Variants in ATP6V0D2 observed in about 807,000 individuals in gnomAD.
The protein encoded by ATP6V0D2 is V-type proton ATPase subunit d 2.
In ATP6V0D2, 40 loss-of-function variants were observed where a neutral mutation model predicts 40.0. The observed-to-expected ratio is 1.00, with a 90% CI of 0.78 to 1.30. The LOEUF (loss-of-function observed/expected upper bound fraction) is 1.30. Ranked by LOEUF, ATP6V0D2 falls within the 50% of genes most tolerant of loss-of-function variation. The probability of loss-of-function intolerance (pLI) is 0.00; values close to 1 mark genes in which losing one functional copy is unlikely to be tolerated. For missense variants in ATP6V0D2, 470 were observed against 423.1 expected (o/e 1.11, Z -0.97); for synonymous variants, 179 against 156.3 (o/e 1.15, Z -1.08).
In ATP6V0D2 at chr8:86,148,554, A is replaced by G. The variant is rs998009094; in HGVS notation, c.640-1558A>G. Among the ~76,000 whole-genome samples the G allele has an allele frequency of 2.6e-5, 4 of 152,202 alleles. No homozygotes were observed. The East Asian group carries it at 5.8e-4, about 22-fold the overall frequency. ...TGCATATAGATAGCCTGGGAATCCT[A>G]TGAAAATGCAGATTCTGGTTGAGTA... On this transcript the variant is annotated intron_variant, in intron 5 of 7. Transcript: ENST00000285393.
chr8:86,142,841 T>TCAG, intron 4 of ATP6V0D2, 36 bp from the exon 5 acceptor site: 1 of 1,320,454 alleles, frequency 7.6e-7, no homozygotes, highest in Non-Finnish European at 1.1e-6. Context: ...GAATATATAT[T>TCAG]CATTATATCA....
At chr8:86,142,736 A>T (rs1818992297) in intron 4 of ATP6V0D2, 141 bp from the exon 5 acceptor site, 1 of 518,526 alleles carries the variant, frequency 1.9e-6, no homozygotes, top group Admixed American at 3.6e-5. Flanking sequence ...CTTCTACCAA[A>T]TTTATTATAA....
chr8:86,144,726 G>A (rs982794149), intron 5 of ATP6V0D2, among the ~76,000 whole-genome samples: 1 of 152,112 alleles, frequency 6.6e-6, no homozygotes, highest in Non-Finnish European at 1.5e-5. Context: ...GAGTGCAGTG[G>A]CATGATCATG....
chr8:86,128,318 C>T lies in ATP6V0D2; in HGVS notation c.303-11139C>T, dbSNP rs113490808. Among the ~76,000 whole-genome samples the T allele has an allele frequency of 8.9e-4, 136 of 152,228 alleles. 2 individuals are homozygous for T. The highest frequency in any genetic ancestry group is 2.8e-3 in the African/African-American group (116 of 41,544). On this transcript the variant is annotated intron_variant, in intron 2 of 7. Transcript: ENST00000285393. ...GAGCCAAGATCACATCATTGCACTC[C>T]GGCCTGGGCAACAAGAGTGAAACTC...
intron 2 of ATP6V0D2, among the ~76,000 whole-genome samples, chr8:86,131,657 C>A (rs754314209): frequency 6.6e-6 from 1 of 151,784 alleles, no homozygotes; most frequent in African/African-American, 2.4e-5. Flanking sequence ...CCTGTCACCA[C>A]GCCCAGCTAA....
chr8:86,136,930 C>T (rs1030649210), intron 2 of ATP6V0D2, among the ~76,000 whole-genome samples: 7 of 152,162 alleles, frequency 4.6e-5, no homozygotes, highest in East Asian at 1.9e-4. Context: ...TTCTGATCTG[C>T]GACCTTGCCT....
intron 1 of ATP6V0D2, among the ~76,000 whole-genome samples, chr8:86,109,129 GT>G (rs1230616326): frequency 6.6e-6 from 1 of 152,100 alleles, no homozygotes; most frequent in Admixed American, 6.5e-5. Context: ...GCGGCCCATT[GT>G]TTTTTAGTGG....
At chr8:86,141,633 A>T in intron 4 of ATP6V0D2, 104 bp downstream of exon 4, 5 of 765,254 alleles carry the variant, frequency 6.5e-6, no homozygotes, top group Non-Finnish European at 1.0e-5. Context: ...TTCTGCAATT[A>T]TGAAACTGTG....
At chr8:86,141,776 A>T (rs571877033) in intron 4 of ATP6V0D2, among the ~76,000 whole-genome samples, 1 of 152,226 alleles carries the variant, frequency 6.6e-6, no homozygotes, top group East Asian at 1.9e-4. Flanking sequence ...AGCTCCTTGC[A>T]TGGTACCTGG....
intron 2 of ATP6V0D2, among the ~76,000 whole-genome samples, chr8:86,128,024 G>A (rs1039396462): frequency 2.0e-5 from 3 of 152,042 alleles, no homozygotes; most frequent in Non-Finnish European, 2.9e-5. Flanking sequence ...AGAGGTTGTG[G>A]TGAGCTATGA....
In ATP6V0D2 at chr8:86,099,047, C is replaced by A; in HGVS notation, c.69C>A (p.Cys23Ter). 6.2e-7 allele frequency: 1 copy of A among 1,613,736 alleles called. No individual in the cohort carries two copies. Among genetic ancestry groups the A allele is most frequent in the Middle Eastern group, 1.6e-4 (1 of 6,062 alleles). Residue 23 changes from cysteine to a stop codon, truncating the protein, a stop_gained, in exon 1 of 8, where the codon TGC becomes TGA. Transcript: ENST00000285393. LOFTEE classifies it high-confidence loss of function. Reference protein sequence around the residue: ...HGYLEGLVRGCKASLLTQQDY... With the variant: ...HGYLEGLVRG ...ACCTGGAGGGCCTGGTTCGAGGATG[C>A]AAGGCCAGCCTCCTGACCCAGCAAG...
At chr8:86,137,010 A>G (rs1248893558) in intron 2 of ATP6V0D2, among the ~76,000 whole-genome samples, 1 of 151,934 alleles carries the variant, frequency 6.6e-6, no homozygotes, top group South Asian at 2.1e-4. Context: ...AAAAGGACAC[A>G]TATTAAAACT....
chr8:86,151,482 T>A lies in ATP6V0D2; in HGVS notation c.833T>A (p.Phe278Tyr), dbSNP rs549261524. The change falls in exon 7 of 8, where the codon TTT becomes TAT. Residue 278 changes from phenylalanine (F) to tyrosine (Y), a missense_variant. Physicochemically the swap from Phe to Tyr is conservative, Grantham distance 22. Transcript: ENST00000285393. ...ADHYGVYKPL[F>Y]EAVGGSGGKT... ...GTTTTTAAGGTATACAAACCTTTAT[T>A]TGAAGCTGTAGGTGGCAGTGGGGGA... The A allele has an allele frequency of 5.0e-6, 8 of 1,605,496 alleles. No individual in the cohort carries two copies. Among genetic ancestry groups the A allele is most frequent in the Middle Eastern group, 1.7e-4 (1 of 6,036 alleles).
rs753638216 is a variant in ATP6V0D2 at position 86,098,973 on chromosome 8, TC to T, written c.-1del. 1.8e-5 allele frequency: 29 copies of T among 1,612,994 alleles called. No individual in the cohort carries two copies. In the Admixed American group the frequency reaches 2.8e-4, roughly 16 times the overall value. ...TCACCCTACCTTGGCTTCAATCTCT[TC>T]CCCCATGCTCGAAGGTGCGGAGCTG... On this transcript the variant is annotated 5_prime_UTR_variant, in exon 1 of 8. Coordinates refer to ENST00000285393, the MANE Select transcript of ATP6V0D2 (RefSeq NM_152565.1).
chr8:86,127,392 G>A (rs945807005), intron 2 of ATP6V0D2, among the ~76,000 whole-genome samples: 11 of 151,842 alleles, frequency 7.2e-5, no homozygotes, highest in South Asian at 2.1e-4. Context: ...AATGAAACTC[G>A]TAAATGAAAG....
intron 2 of ATP6V0D2, among the ~76,000 whole-genome samples, chr8:86,120,828 A>G (rs1818659494): frequency 6.6e-6 from 1 of 152,210 alleles, no homozygotes; most frequent in South Asian, 2.1e-4. Flanking sequence ...CAGGTCTATC[A>G]GTCTAGCAAG....
intron 2 of ATP6V0D2, among the ~76,000 whole-genome samples, chr8:86,126,477 T>C (rs929986552): frequency 2.6e-5 from 4 of 151,714 alleles, no homozygotes; most frequent in African/African-American, 7.3e-5. Context: ...GAAATGAACA[T>C]GTAAAACGAC....
In ATP6V0D2 at chr8:86,153,019, A is replaced by G. The variant is rs756479018; in HGVS notation, c.*42A>G. The G allele has an allele frequency of 8.2e-5, 123 of 1,492,862 alleles. 1 individual carries two copies. Among genetic ancestry groups the G allele is most frequent in the Non-Finnish European group, 3.6e-6 (4 of 1,115,320 alleles). 92.5% of individuals were successfully genotyped at this position (1,492,862 alleles called of 1,614,324 possible). A position where few individuals can be genotyped will look rare whatever the true frequency, so the allele number is the denominator to read the frequency against. On this transcript the variant is annotated 3_prime_UTR_variant, in exon 8 of 8. Coordinates refer to ENST00000285393, the MANE Select transcript of ATP6V0D2 (RefSeq NM_152565.1). ...AAATGTAGAAAATTATAAATGTTAA[A>G]AGGAAGTTATTGAAGAAAATAAAAG...
intron 2 of ATP6V0D2, among the ~76,000 whole-genome samples, chr8:86,120,434 T>C (rs886476798): frequency 4.6e-5 from 7 of 151,946 alleles, no homozygotes; most frequent in African/African-American, 1.7e-4. Context: ...AAAAACACTT[T>C]GAAGTCAGGT....
Sources: allele counts gnomAD v4.1 joint callset (sites outside exome capture counted in the v4.1 genomes callset), GRCh38; gene constraint gnomAD v4.1.1; transcripts MANE v1.5; gene names NCBI Gene and HGNC (gene_info 2026-07-23, HGNC 2026-07-21).